SLC12A7: variants seen among roughly 807,000 people sequenced by gnomAD.
SLC12A7 encodes K-Cl cotransporter 4.
SLC12A7 carries 100 observed loss-of-function variants against 120.6 expected under a neutral mutation model. The ratio of observed to expected loss-of-function variants is 0.83; its 90% CI spans 0.71 to 0.98. SLC12A7 has a LOEUF of 0.98. SLC12A7 is among the 50% of genes least tolerant of loss of function. The probability of loss-of-function intolerance (pLI) is 0.00; values close to 1 mark genes in which losing one functional copy is unlikely to be tolerated. For missense variants in SLC12A7, 1,373 were observed against 1,548.1 expected (o/e 0.89, Z 1.90); for synonymous variants, 760 against 678.0 (o/e 1.12, Z -1.88).
chr5:1,087,518 T>C (rs1178521561), intron 5 of SLC12A7, among the ~76,000 whole-genome samples: 3 of 152,230 alleles, frequency 2.0e-5, no homozygotes, highest in Non-Finnish European at 4.4e-5. Context: ...CTCTGAGCAG[T>C]GCGTGTGGCA....
At chr5:1,100,092 C>T (rs1479885222) in intron 1 of SLC12A7, among the ~76,000 whole-genome samples, 1 of 152,212 alleles carries the variant, frequency 6.6e-6, no homozygotes, top group Admixed American at 6.5e-5. Context: ...TGGGCTCCCA[C>T]ACGCCTCGGA....
At position 1,087,151 on chromosome 5, in the gene SLC12A7, A is replaced by T. The variant is rs1240764199; in HGVS notation, c.545-118T>A. 3.0e-6 allele frequency: 4 copies of T among 1,339,476 alleles called. No individual in the cohort carries two copies. In the African/African-American group the frequency reaches 4.4e-5, roughly 15 times the overall value. 83.0% of individuals were successfully genotyped at this position (1,339,476 alleles called of 1,614,324 possible). A position where few individuals can be genotyped will look rare whatever the true frequency, so the allele number is the denominator to read the frequency against. ...GCCTGTCTCTGCGAAGGCAGCGTGTAGACCCTCGTCCACCCGCAAAGCAGC... is the reference window on the plus strand; with the variant it reads ...GCCTGTCTCTGCGAAGGCAGCGTGTTGACCCTCGTCCACCCGCAAAGCAGC... On this transcript the variant is annotated intron_variant, in intron 5 of 23. Transcript: ENST00000264930.
Position 1,073,758 on chromosome 5 carries a change from C to T in SLC12A7, c.2116G>A (p.Val706Met), listed in dbSNP as rs145265458. ...VMLNLDAEQA[V>M]KHPRLLSFTS... ...AAGGACAGCAGGCGGGGGTGCTTCA[C>T]GGCCTGCTCCGCGTCCAGGTTCAGC... Residue 706 changes from valine (V) to methionine (M), a missense_variant, in exon 17 of 24, where the codon GTG becomes ATG. Physicochemically the swap from Val to Met is conservative, Grantham distance 21. Coordinates refer to ENST00000264930, the MANE Select transcript of SLC12A7 (RefSeq NM_006598.3). 5.0e-4 allele frequency: 762 copies of T among 1,523,300 alleles called. 9 individuals carry two copies. Among genetic ancestry groups the T allele is most frequent in the Admixed American group, 3.7e-4 (19 of 51,934 alleles). 94.4% of individuals were successfully genotyped at this position (1,523,300 alleles called of 1,614,324 possible). A position where few individuals can be genotyped will look rare whatever the true frequency, so the allele number is the denominator to read the frequency against.
At chr5:1,125,944 GTC>G in the SLC12A7 span, among the ~76,000 whole-genome samples, 1 of 127,206 alleles carries the variant, frequency 7.9e-6, no homozygotes, top group Non-Finnish European at 1.7e-5. Flanking sequence ...AAAAAAAAAA[GTC>G]TGTCTGCTTG....
chr5:1,075,148 G>C (rs1362907531), intron 15 of SLC12A7, among the ~76,000 whole-genome samples: 1 of 152,230 alleles, frequency 6.6e-6, no homozygotes, highest in Non-Finnish European at 1.5e-5. Context: ...CTCCAGGCTG[G>C]AGACCCTGTC....
chr5:1,094,557 C>T (rs182743828), intron 1 of SLC12A7, among the ~76,000 whole-genome samples: 12 of 152,340 alleles, frequency 7.9e-5, no homozygotes, highest in South Asian at 2.1e-4. Flanking sequence ...CCAGGGCATA[C>T]GCTATCCCCC....
chr5:1,068,160 T>C lies in SLC12A7; in HGVS notation c.2242-2682A>G, dbSNP rs1737257436. On this transcript the variant is annotated intron_variant, in intron 17 of 23. Transcript: ENST00000264930. ...GCTTTACAGCCTTGCCCAGACAGGC[T>C]GCCGTGGCTCACACCTGTAATCCCA... 9.8e-5 allele frequency among the ~76,000 whole-genome samples: 15 copies of C among 152,328 alleles called. No individual in the cohort carries two copies. The South Asian group carries it at 3.1e-3, about 32-fold the overall frequency.
the SLC12A7 span, among the ~76,000 whole-genome samples, chr5:1,142,392 C>T: frequency 2.2e-5 from 2 of 89,210 alleles, no homozygotes; most frequent in African/African-American, 5.1e-5. Context: ...CTCCCCTCTC[C>T]CTTCTCCCCT....
chr5:1,104,674 C>A (rs991173369), intron 1 of SLC12A7, among the ~76,000 whole-genome samples: 1 of 151,764 alleles, frequency 6.6e-6, no homozygotes, highest in Non-Finnish European at 1.5e-5. Flanking sequence ...CGAGGCCCAC[C>A]GGGGGGTGCG....
chr5:1,150,296 C>T, the SLC12A7 span, among the ~76,000 whole-genome samples: 2 of 151,080 alleles, frequency 1.3e-5, no homozygotes, highest in East Asian at 2.0e-4. Context: ...CCCCCGACCC[C>T]GATAGAGCCA....
chr5:1,075,944 C>T, intron 14 of SLC12A7, 194 bp downstream of exon 14: 1 of 575,542 alleles, frequency 1.7e-6, no homozygotes, highest in Non-Finnish European at 3.1e-6. Flanking sequence ...ATCAGCTGCG[C>T]AGGGGCTTAC....
intron 21 of SLC12A7, among the ~76,000 whole-genome samples, chr5:1,057,948 C>A (rs573400730): frequency 6.6e-6 from 1 of 152,252 alleles, no homozygotes. Flanking sequence ...GAGTCTCCCC[C>A]TCACCTGACG....
chr5:1,151,713 C>G, the SLC12A7 span, among the ~76,000 whole-genome samples: 3 of 144,702 alleles, frequency 2.1e-5, no homozygotes, highest in Admixed American at 6.9e-5. This position sits in a 1 kb window ranked among gnomAD's most constrained non-coding sequence, Gnocchi z 6.2. Context: ...AGGCGGGGGG[C>G]AGGGGGTGGG....
At chr5:1,114,873 G>A (rs1392071112), upstream of SLC12A7, among the ~76,000 whole-genome samples, 1 of 152,196 alleles carries the variant, frequency 6.6e-6, no homozygotes, top group Non-Finnish European at 1.5e-5. Flanking sequence ...ATTTTCCAGT[G>A]CGTGGTGGCT....
chr5:1,088,123 A>C (rs569901144), intron 5 of SLC12A7, among the ~76,000 whole-genome samples, 183 bp downstream of exon 5: 1 of 152,168 alleles, frequency 6.6e-6, no homozygotes, highest in East Asian at 1.9e-4. Flanking sequence ...AAGAAAACCA[A>C]ACAGCCGTGA....
chr5:1,095,005 TCGG>T (rs1561094654), intron 1 of SLC12A7, among the ~76,000 whole-genome samples: 3 of 91,902 alleles, frequency 3.3e-5, no homozygotes, highest in Non-Finnish European at 4.3e-5. Context: ...GAAGATAGGG[TCGG>T]TAGGAGGTGG....
chr5:1,130,540 G>C, the SLC12A7 span, among the ~76,000 whole-genome samples: 2 of 151,740 alleles, frequency 1.3e-5, no homozygotes, highest in Non-Finnish European at 2.9e-5. Context: ...CCTTAGCCAG[G>C]GCGGCTGCCC....
At chr5:1,100,610 G>A (rs972246987) in intron 1 of SLC12A7, among the ~76,000 whole-genome samples, 1 of 152,236 alleles carries the variant, frequency 6.6e-6, no homozygotes, top group African/African-American at 2.4e-5. Flanking sequence ...CCCTCGGGGA[G>A]ACCGCGCCAA....
intron 1 of SLC12A7, among the ~76,000 whole-genome samples, chr5:1,102,250 C>T (rs1434794633): frequency 1.3e-5 from 2 of 152,208 alleles, no homozygotes. Context: ...TGTGTCAGAT[C>T]CCTGACCCAT....
Sources: allele counts gnomAD v4.1 joint callset (sites outside exome capture counted in the v4.1 genomes callset), GRCh38; gene constraint gnomAD v4.1.1; non-coding constraint Gnocchi (gnomAD v3.1); transcripts MANE v1.5; gene names NCBI Gene and HGNC (gene_info 2026-07-23, HGNC 2026-07-21).